Variants in OPCML observed in about 807,000 individuals in gnomAD.
The protein encoded by OPCML is opioid binding protein/cell adhesion molecule like.
In OPCML, 13 loss-of-function variants were observed where a neutral mutation model predicts 37.8. That is an observed-to-expected ratio of 0.34 (90% CI 0.22 to 0.55). The LOEUF (loss-of-function observed/expected upper bound fraction) is 0.55. Among genes scored for constraint, OPCML ranks in the 20% least tolerant of loss-of-function variants. The pLI is 0.91. For missense variants in OPCML, 341 were observed against 435.6 expected, an observed-to-expected ratio of 0.78 and a Z score of 1.93; for synonymous variants, 176 against 168.8, an observed-to-expected ratio of 1.04 and a Z score of -0.33.
intron 3 of OPCML, among the ~76,000 whole-genome samples, chr11:132,583,742 T>C (rs958761362): frequency 2.6e-4 from 39 of 152,068 alleles, no homozygotes; most frequent in South Asian, 2.1e-4. Context: ...GCCTCCCAAG[T>C]AGCTGGGATT....
At chr11:133,448,492 C>T (rs148850274) in intron 1 of OPCML, among the ~76,000 whole-genome samples, 1 of 152,290 alleles carries the variant, frequency 6.6e-6, no homozygotes, top group African/African-American at 2.4e-5. Context: ...GAGTCTCACT[C>T]TGTCACCCAG....
At chr11:132,846,125 G>A (rs888034618) in intron 2 of OPCML, among the ~76,000 whole-genome samples, 1 of 152,184 alleles carries the variant, frequency 6.6e-6, no homozygotes, top group Non-Finnish European at 1.5e-5. Context: ...TTCATTTACA[G>A]TCTCCTTTAT....
chr11:133,225,957 C>T (rs1940018893), intron 1 of OPCML, among the ~76,000 whole-genome samples: 1 of 152,192 alleles, frequency 6.6e-6, no homozygotes, highest in Non-Finnish European at 1.5e-5. Context: ...CTTCAAACAG[C>T]CCTATGAAGC....
chr11:133,365,057 C>G (rs1220689441), intron 1 of OPCML, among the ~76,000 whole-genome samples: 2 of 149,832 alleles, frequency 1.3e-5, no homozygotes, highest in South Asian at 2.1e-4. Flanking sequence ...TTCACACACA[C>G]ACACACACAC....
intron 1 of OPCML, among the ~76,000 whole-genome samples, chr11:133,045,025 C>T (rs1403959780): frequency 6.6e-6 from 1 of 152,168 alleles, no homozygotes; most frequent in African/African-American, 2.4e-5. Context: ...TCAGAATCCA[C>T]AAAAGTCATC....
At chr11:132,778,441 T>C (rs951928116) in intron 2 of OPCML, among the ~76,000 whole-genome samples, 3 of 152,166 alleles carry the variant, frequency 2.0e-5, no homozygotes, top group African/African-American at 4.8e-5. Context: ...AAAAATCAAA[T>C]GCAAATCATG....
At chr11:132,435,990 G>T in intron 7 of OPCML, 96 bp downstream of exon 7, 1 of 1,301,096 alleles carries the variant, frequency 7.7e-7, no homozygotes, top group Non-Finnish European at 1.0e-6. Flanking sequence ...TAGGATGGAT[G>T]GACACAGGCC....
intron 1 of OPCML, among the ~76,000 whole-genome samples, chr11:133,051,579 G>A (rs776975002): frequency 1.3e-5 from 2 of 152,010 alleles, no homozygotes; most frequent in South Asian, 2.1e-4. Context: ...CCCACTCCTC[G>A]GTTCACACAT....
At chr11:133,190,338 G>GGAATTGAT (rs1938251299) in intron 1 of OPCML, among the ~76,000 whole-genome samples, 2 of 152,130 alleles carry the variant, frequency 1.3e-5, no homozygotes, top group Non-Finnish European at 2.9e-5. Flanking sequence ...AAGGGAGAAG[G>GGAATTGAT]GAATTGATGC....
intron 2 of OPCML, among the ~76,000 whole-genome samples, chr11:132,687,365 G>T (rs774993062): frequency 1.5e-5 from 1 of 66,404 alleles, no homozygotes; most frequent in African/African-American, 6.6e-5. Context: ...TCTGCCTTAA[G>T]CTACATATAT....
chr11:133,373,635 A>G (rs1240841357), intron 1 of OPCML, among the ~76,000 whole-genome samples: 2 of 151,202 alleles, frequency 1.3e-5, no homozygotes, highest in African/African-American at 4.9e-5. Context: ...AGAAACATAA[A>G]AAAAAAGAAA....
chr11:132,967,015 T>C (rs1946230099), intron 1 of OPCML, among the ~76,000 whole-genome samples: 1 of 152,106 alleles, frequency 6.6e-6, no homozygotes, highest in African/African-American at 2.4e-5. Context: ...TTTAATCTAG[T>C]CACATTTAAT....
At position 132,546,815 on chromosome 11, in the gene OPCML, A is replaced by AG. The variant is rs200576909; in HGVS notation, c.380-17630dup. On this transcript the variant is annotated intron_variant, in intron 3 of 7. Transcript: ENST00000524381. ...TAAGCACAGTGCCGGGGGTGGTGGC[A>AG]GGTGGACAGTGCTCAAATATGACTG... Among the ~76,000 whole-genome samples, 1,021 of 152,342 alleles carry AG rather than the reference A, an allele frequency of 6.7e-3. 15 individuals carry two copies. The highest frequency in any genetic ancestry group is 0.023 in the African/African-American group (947 of 41,588).
chr11:133,331,201 T>A (rs1185718578), intron 1 of OPCML, among the ~76,000 whole-genome samples: 2 of 151,884 alleles, frequency 1.3e-5, no homozygotes. Context: ...CCCCGTAGAG[T>A]CAGAACTGAA....
intron 4 of OPCML, among the ~76,000 whole-genome samples, chr11:132,495,964 C>G (rs982067961): frequency 1.3e-5 from 2 of 151,562 alleles, no homozygotes; most frequent in Non-Finnish European, 2.9e-5. Context: ...TGGAATTTTA[C>G]TGATCATGGA....
At chr11:132,899,877 C>T (rs899017848) in intron 2 of OPCML, among the ~76,000 whole-genome samples, 1 of 152,200 alleles carries the variant, frequency 6.6e-6, no homozygotes, top group South Asian at 2.1e-4. Flanking sequence ...CAGCAGAACT[C>T]CAGGCTCTCT....
chr11:132,519,981 T>C (rs2137238573), intron 4 of OPCML, among the ~76,000 whole-genome samples: 1 of 152,320 alleles, frequency 6.6e-6, no homozygotes, highest in South Asian at 2.1e-4. Context: ...AGCAGGTTTA[T>C]TTTAATTGAC....
At chr11:132,484,519 A>G (rs1302690000) in intron 4 of OPCML, among the ~76,000 whole-genome samples, 2 of 152,248 alleles carry the variant, frequency 1.3e-5, no homozygotes, top group Non-Finnish European at 2.9e-5. Context: ...GCAATTCCTC[A>G]GGGATCTAGA....
Position 132,516,072 on chromosome 11 carries a change from A to G in OPCML, c.505+12989T>C, listed in dbSNP as rs116280625. On this transcript the variant is annotated intron_variant, in intron 4 of 7. Transcript: ENST00000524381. ...ACAAGTCATAGGTCTCCAGTAAAAA[A>G]AAGTGATTGGACACGAATTGAAAAA... Among the ~76,000 whole-genome samples, 609 of 152,348 alleles carry G rather than the reference A, an allele frequency of 4.0e-3. 8 individuals are homozygous for G. Among genetic ancestry groups the G allele is most frequent in the African/African-American group, 0.014 (586 of 41,580 alleles).
Sources: gnomAD v4.1 joint callset for allele counts (sites outside exome capture counted in the v4.1 genomes callset) on GRCh38, gnomAD v4.1.1 for gene constraint, MANE v1.5 for transcripts, NCBI Gene and HGNC (gene_info 2026-07-23, HGNC 2026-07-21) for gene names.